The following EML5 variants were observed in gnomAD, a reference collection of about 807,000 sequenced individuals.
The protein encoded by EML5 is echinoderm microtubule-associated protein-like 5.
Under a neutral mutation model 250.0 loss-of-function variants are expected in EML5, and 120 were observed. The observed-to-expected ratio is 0.48, with a 90% CI of 0.41 to 0.56. The LOEUF (loss-of-function observed/expected upper bound fraction) is 0.56. EML5 is among the 20% of genes least tolerant of loss of function. The probability of loss-of-function intolerance (pLI) is 0.00; values close to 1 mark genes in which losing one functional copy is unlikely to be tolerated. For missense variants in EML5, 2,006 were observed against 2,437.6 expected (o/e 0.82, Z 3.73); for synonymous variants, 771 against 806.5 (o/e 0.96, Z 0.75).
At chr14:88,648,825 A>G (rs545385085) in intron 28 of EML5, among the ~76,000 whole-genome samples, 9 of 152,206 alleles carry the variant, frequency 5.9e-5, no homozygotes, top group East Asian at 1.9e-4. Flanking sequence ...GTAAAATAGT[A>G]TAAGATTTTA....
intron 1 of EML5, among the ~76,000 whole-genome samples, chr14:88,784,765 C>G (rs1321955893): frequency 6.6e-6 from 1 of 152,172 alleles, no homozygotes; most frequent in Non-Finnish European, 1.5e-5. Context: ...TGTACAACCA[C>G]TATGGAGAAC....
At position 88,643,034 on chromosome 14, in the gene EML5, A is replaced by G. The variant is rs563540879; in HGVS notation, c.4108-12T>C. 1 of 1,559,654 alleles carries G rather than the reference A, an allele frequency of 6.4e-7. No individual in the cohort carries two copies. Among genetic ancestry groups the G allele is most frequent in the Non-Finnish European group, 8.6e-7 (1 of 1,162,602 alleles). The stretch of plus-strand genomic sequence containing the variant: ...TCCAACACAAGGTCCTATAATGATA[A>G]TAATAAAACCATTATATTCTTCCTC... On this transcript the variant is annotated splice_polypyrimidine_tract_variant and intron_variant, in intron 30 of 43. Coordinates refer to ENST00000554922, the MANE Select transcript of EML5 (RefSeq NM_183387.3).
rs967435459 is a variant in EML5 at position 88,688,330 on chromosome 14, G to T, written c.2683C>A (p.Leu895Ile). The T allele has an allele frequency of 1.7e-5, 28 of 1,613,766 alleles. No individual in the cohort carries two copies. In the East Asian group the frequency reaches 5.8e-4, roughly 33 times the overall value. Residue 895 changes from leucine (L) to isoleucine (I), a missense_variant, in exon 18 of 44, where the codon CTT becomes ATT. Physicochemically the swap from Leu to Ile is conservative, Grantham distance 5 (BLOSUM62 2). This residue lies in a region of EML5 where 1,375 missense variants were observed against 1,590.3 expected (regional missense o/e 0.86). Coordinates refer to ENST00000554922, the MANE Select transcript of EML5 (RefSeq NM_183387.3). ...TCATGCGCTTTCACTGTTTTTACAA[G>T]AAAGATGTCTCTCCAGATACACACA... ...GDVCIWRDIF[L>I]VKTVKAHDGP...
intron 4 of EML5, among the ~76,000 whole-genome samples, chr14:88,743,100 A>T (rs1196921288): frequency 6.6e-6 from 1 of 152,112 alleles, no homozygotes; most frequent in Non-Finnish European, 1.5e-5. Flanking sequence ...GAGCTTTCAT[A>T]AGCAAAGTAA....
At chr14:88,662,144 A>G (rs1282372522) in intron 24 of EML5, among the ~76,000 whole-genome samples, 1 of 152,034 alleles carries the variant, frequency 6.6e-6, no homozygotes, top group African/African-American at 2.4e-5. Context: ...CTTACAGTTC[A>G]TGTTTAAATT....
chr14:88,666,441 G>A (rs1457402509), intron 21 of EML5, among the ~76,000 whole-genome samples: 1 of 151,978 alleles, frequency 6.6e-6, no homozygotes, highest in African/African-American at 2.4e-5. Context: ...GGTCAGGCTG[G>A]TCCTGAACTC....
At chr14:88,616,622 T>G in intron 42 of EML5, 104 bp downstream of exon 42, 1 of 1,220,106 alleles carries the variant, frequency 8.2e-7, no homozygotes, top group Non-Finnish European at 1.1e-6. Flanking sequence ...GGGGAAAAAT[T>G]TAGAAATTAG....
chr14:88,750,066 A>C (rs937834633), intron 2 of EML5, among the ~76,000 whole-genome samples: 1 of 152,210 alleles, frequency 6.6e-6, no homozygotes, highest in Admixed American at 6.5e-5. Context: ...ACTGCAATGC[A>C]GAGCTGAGTA....
At chr14:88,745,876 G>A (rs770687631) in intron 3 of EML5, among the ~76,000 whole-genome samples, 7 of 151,936 alleles carry the variant, frequency 4.6e-5, no homozygotes, top group Non-Finnish European at 8.8e-5. Context: ...TCCATGGCAC[G>A]TGTATACCTA....
At chr14:88,703,567 A>G (rs1235464523) in intron 13 of EML5, among the ~76,000 whole-genome samples, 2 of 152,212 alleles carry the variant, frequency 1.3e-5, no homozygotes, top group Non-Finnish European at 2.9e-5. Context: ...CTGCATAGAA[A>G]CTACTGCCAT....
At chr14:88,780,632 G>A (rs2140762557) in intron 1 of EML5, among the ~76,000 whole-genome samples, 1 of 152,048 alleles carries the variant, frequency 6.6e-6, no homozygotes, top group Non-Finnish European at 1.5e-5. Context: ...CTGGAGTGCA[G>A]AGGCGCGATC....
intron 7 of EML5, among the ~76,000 whole-genome samples, chr14:88,728,318 T>C (rs1266382342): frequency 2.1e-5 from 3 of 139,960 alleles, no homozygotes; most frequent in Non-Finnish European, 4.7e-5. Context: ...GACCCTTGAA[T>C]AATGCACCAG....
intron 32 of EML5, among the ~76,000 whole-genome samples, chr14:88,638,571 T>A (rs1194170322): frequency 1.3e-5 from 2 of 152,234 alleles, no homozygotes; most frequent in Non-Finnish European, 2.9e-5. Flanking sequence ...CTATTTCAAC[T>A]ACCATACAAT....
chr14:88,742,185 G>T (rs1184594592), intron 4 of EML5, among the ~76,000 whole-genome samples: 2 of 152,016 alleles, frequency 1.3e-5, no homozygotes, highest in Non-Finnish European at 2.9e-5. Context: ...CTCAGCAAGG[G>T]TTAAGAACTA....
At chr14:88,646,292 T>C (rs1309196502) in intron 29 of EML5, among the ~76,000 whole-genome samples, 1 of 152,180 alleles carries the variant, frequency 6.6e-6, no homozygotes, top group Non-Finnish European at 1.5e-5. Context: ...ATACGCAATA[T>C]GAGGCAGCAT....
rs1024284075 is a variant in EML5, at chr14:88,614,124, T to C, written c.*1694A>G. 2 of 152,218 alleles carry C rather than the reference T, an allele frequency of 1.3e-5. No homozygotes were observed. Among genetic ancestry groups the C allele is most frequent in the East Asian group, 3.8e-4 (2 of 5,204 alleles). 9.4% of individuals were successfully genotyped at this position (152,218 alleles called of 1,614,324 possible). A position where few individuals can be genotyped will look rare whatever the true frequency, so the allele number is the denominator to read the frequency against. On this transcript the variant is annotated 3_prime_UTR_variant, in exon 44 of 44. Transcript: ENST00000554922. ...TCTCTGTAGCCAAAAGCTGGCAAAC[T>C]TGACCCAGAGGGAAAATTTAAAACT...
At chr14:88,716,416 T>C (rs1259812516) in intron 8 of EML5, among the ~76,000 whole-genome samples, 1 of 152,136 alleles carries the variant, frequency 6.6e-6, no homozygotes, top group Non-Finnish European at 1.5e-5. Flanking sequence ...CTCCTTCAAG[T>C]TAACATTAAA....
intron 33 of EML5, among the ~76,000 whole-genome samples, chr14:88,630,450 C>A (rs764758950): frequency 6.6e-5 from 10 of 152,156 alleles, no homozygotes; most frequent in Non-Finnish European, 4.4e-5. Flanking sequence ...TCCATTACAT[C>A]CTTTCTTCCT....
chr14:88,737,701 CT>C (rs2140217134), intron 6 of EML5, among the ~76,000 whole-genome samples: 1 of 152,270 alleles, frequency 6.6e-6, no homozygotes, highest in South Asian at 2.1e-4. Context: ...ATGTTGTTTT[CT>C]ACATGAAATA....
Sources: gnomAD v4.1 joint callset for allele counts (sites outside exome capture counted in the v4.1 genomes callset) on GRCh38, gnomAD v4.1.1 for gene constraint, gnomAD v4.1.1 regional missense constraint, MANE v1.5 for transcripts, NCBI Gene and HGNC (gene_info 2026-07-23, HGNC 2026-07-21) for gene names.